Variants in ABHD12 observed in about 807,000 individuals in gnomAD.
ABHD12 encodes the protein lysophosphatidylserine lipase ABHD12.
ABHD12 carries 43 observed loss-of-function variants against 58.3 expected under a neutral mutation model. The ratio of observed to expected loss-of-function variants is 0.74; its 90% CI spans 0.58 to 0.95. The LOEUF (loss-of-function observed/expected upper bound fraction) is 0.95. Among genes scored for constraint, ABHD12 ranks in the 40% least tolerant of loss-of-function variants. The probability of loss-of-function intolerance (pLI) is 0.00; values close to 1 mark genes in which losing one functional copy is unlikely to be tolerated. For synonymous variants in ABHD12, 219 were observed against 211.2 expected (o/e 1.04, Z -0.32); for missense variants, 539 against 537.2 (o/e 1.00, Z -0.03).
intron 5 of ABHD12, among the ~76,000 whole-genome samples, chr20:25,316,320 G>A (rs1352517982): frequency 6.6e-6 from 1 of 152,048 alleles, no homozygotes; most frequent in East Asian, 1.9e-4. Context: ...CACCACGCCT[G>A]GCTAATTTTT....
chr20:25,332,647 G>C (rs2089297140), intron 2 of ABHD12, among the ~76,000 whole-genome samples: 2 of 150,878 alleles, frequency 1.3e-5, no homozygotes, highest in South Asian at 4.2e-4. Context: ...TCAGGATTAA[G>C]AAACTCACTC....
At chr20:25,330,623 G>A (rs915117355) in intron 2 of ABHD12, among the ~76,000 whole-genome samples, 4 of 152,192 alleles carry the variant, frequency 2.6e-5, no homozygotes, top group Admixed American at 6.5e-5. Context: ...ATCTGAGAAC[G>A]GGCAGAATGC....
intron 10 of ABHD12, among the ~76,000 whole-genome samples, chr20:25,304,966 A>G (rs1430007501): frequency 2.0e-5 from 3 of 150,428 alleles, no homozygotes; most frequent in Non-Finnish European, 4.4e-5. Flanking sequence ...ATCTTGGCTC[A>G]CTGCAACCTC....
At chr20:25,305,454 C>A (rs562137448) in intron 10 of ABHD12, among the ~76,000 whole-genome samples, 1 of 151,868 alleles carries the variant, frequency 6.6e-6, no homozygotes, top group East Asian at 2.0e-4. Context: ...CCTCTGCCTC[C>A]CGGGTTCAAG....
intron 1 of ABHD12, among the ~76,000 whole-genome samples, chr20:25,363,432 T>C (rs1337082610): frequency 2.0e-5 from 3 of 150,672 alleles, no homozygotes; most frequent in Non-Finnish European, 3.0e-5. Flanking sequence ...TTGGCCAGGA[T>C]GGTGTGCATC....
At chr20:25,295,676 G>A (rs2088530582), downstream of ABHD12, 4 of 1,612,220 alleles carry the variant, frequency 2.5e-6, no homozygotes, top group Admixed American at 5.0e-5. Context: ...ACCGGGTGAG[G>A]CTCCTGGGTC....
intron 6 of ABHD12, among the ~76,000 whole-genome samples, chr20:25,313,474 A>G (rs2088901817): frequency 6.6e-6 from 1 of 151,974 alleles, no homozygotes; most frequent in South Asian, 2.1e-4. Flanking sequence ...CTGCCTAGGA[A>G]AACCAGAGAC....
intron 2 of ABHD12, among the ~76,000 whole-genome samples, chr20:25,325,847 G>A (rs1195457631): frequency 6.6e-6 from 1 of 151,924 alleles, no homozygotes; most frequent in Non-Finnish European, 1.5e-5. Context: ...GAGGCAGGTG[G>A]ATCACCTGAG....
chr20:25,305,073 G>A (rs941208362), intron 10 of ABHD12, among the ~76,000 whole-genome samples: 3 of 151,942 alleles, frequency 2.0e-5, no homozygotes, highest in Non-Finnish European at 4.4e-5. Context: ...GGTTCACCAT[G>A]TTAGGGTGAT....
At chr20:25,361,262 T>A (rs989005601) in intron 1 of ABHD12, among the ~76,000 whole-genome samples, 1 of 152,238 alleles carries the variant, frequency 6.6e-6, no homozygotes, top group African/African-American at 2.4e-5. Context: ...CAGAACTGCA[T>A]GAAATCTATT....
At chr20:25,303,154 G>C (rs746413188) in intron 11 of ABHD12, 1 of 998,976 alleles carries the variant, frequency 1.0e-6, no homozygotes, top group Middle Eastern at 4.5e-4. Flanking sequence ...GGGCTTGGGA[G>C]ATCCTCATCA....
chr20:25,342,957 G>T, intron 1 of ABHD12, among the ~76,000 whole-genome samples: 1 of 151,564 alleles, frequency 6.6e-6, no homozygotes, highest in Non-Finnish European at 1.5e-5. Context: ...ACTATGCCCA[G>T]CTAATTTTTA....
intron 1 of ABHD12, among the ~76,000 whole-genome samples, chr20:25,380,005 T>C (rs1394254191): frequency 1.3e-5 from 2 of 152,216 alleles, no homozygotes; most frequent in African/African-American, 4.8e-5. Flanking sequence ...AGTACAGGTG[T>C]GTGCCACCGC....
intron 2 of ABHD12, among the ~76,000 whole-genome samples, chr20:25,329,517 G>A (rs2089232719): frequency 6.6e-6 from 1 of 152,230 alleles, no homozygotes. Flanking sequence ...GATGGAGAAT[G>A]GATCCTGCAC....
intron 1 of ABHD12, among the ~76,000 whole-genome samples, chr20:25,376,909 G>A (rs1410873207): frequency 1.3e-5 from 2 of 152,104 alleles, no homozygotes; most frequent in Non-Finnish European, 2.9e-5. Flanking sequence ...TTTTTATTAA[G>A]AACTCTTTAT....
intron 1 of ABHD12, among the ~76,000 whole-genome samples, chr20:25,345,283 C>CA (rs2089504015): frequency 6.6e-6 from 1 of 152,128 alleles, no homozygotes; most frequent in Non-Finnish European, 1.5e-5. Context: ...GACGGGGTTT[C>CA]ACCGTGTTAG....
intron 1 of ABHD12, among the ~76,000 whole-genome samples, chr20:25,384,141 C>CA (rs1385987192): frequency 3.0e-4 from 16 of 53,102 alleles, no homozygotes; most frequent in East Asian, 1.4e-3. Flanking sequence ...GACTCTGTCT[C>CA]AAAAAAAAAA....
intron 2 of ABHD12, among the ~76,000 whole-genome samples, chr20:25,335,227 T>C (rs191372935): frequency 9.8e-5 from 15 of 152,314 alleles, no homozygotes; most frequent in South Asian, 4.1e-4. Flanking sequence ...CACTGGCCAT[T>C]GGAGAAATGC....
intron 4 of ABHD12, 21 bp from the exon 5 acceptor site, chr20:25,317,099 T>C (rs777539088): frequency 1.9e-6 from 3 of 1,604,626 alleles, no homozygotes; most frequent in Admixed American, 1.7e-5. Context: ...AAACAGGACA[T>C]GGTGTGAGCA....
Sources: allele counts gnomAD v4.1 joint callset (sites outside exome capture counted in the v4.1 genomes callset), GRCh38; gene constraint gnomAD v4.1.1; transcripts MANE v1.5; gene names NCBI Gene and HGNC (gene_info 2026-07-23, HGNC 2026-07-21).